VRTN: variants seen among roughly 807,000 people sequenced by gnomAD.
The protein encoded by VRTN is vertnin.
VRTN carries 5 observed loss-of-function variants against 18.2 expected under a neutral mutation model. That is an observed-to-expected ratio of 0.27 (90% CI 0.14 to 0.58). VRTN has a LOEUF of 0.58. Ranked by LOEUF, VRTN falls within the 20% of genes least tolerant of loss-of-function variation. The pLI is 0.91. For synonymous variants in VRTN, 381 were observed against 393.7 expected, an observed-to-expected ratio of 0.97 and a Z score of 0.38; for missense variants, 741 against 939.4, an observed-to-expected ratio of 0.79 and a Z score of 2.76.
intron 1 of VRTN, among the ~76,000 whole-genome samples, chr14:74,328,027 G>T (rs1406680220): frequency 6.6e-6 from 1 of 152,066 alleles, no homozygotes. Context: ...GGCCCTTGTG[G>T]GTGATCTTGT....
intron 1 of VRTN, among the ~76,000 whole-genome samples, chr14:74,314,400 T>TTG (rs1423338181): frequency 6.8e-6 from 1 of 147,108 alleles, no homozygotes; most frequent in Non-Finnish European, 1.5e-5. Context: ...TGTTCTTTTT[T>TTG]TTTTTTTTTT....
intron 1 of VRTN, among the ~76,000 whole-genome samples, chr14:74,349,165 C>A (rs1567044891): frequency 1.3e-5 from 2 of 152,194 alleles, no homozygotes; most frequent in Non-Finnish European, 2.9e-5. Flanking sequence ...CTCAGGCCCA[C>A]CCCTGTGACC....
At chr14:74,349,694 C>T (rs2140210813) in intron 1 of VRTN, among the ~76,000 whole-genome samples, 1 of 152,278 alleles carries the variant, frequency 6.6e-6, no homozygotes, top group East Asian at 1.9e-4. Context: ...ACGCAGGGGA[C>T]AAGAGGCCAG....
intron 1 of VRTN, among the ~76,000 whole-genome samples, chr14:74,311,511 C>T (rs1244572441): frequency 1.3e-5 from 2 of 151,034 alleles, no homozygotes; most frequent in East Asian, 3.9e-4. Flanking sequence ...ACCTCTGCCT[C>T]CTGGGGTCAA....
chr14:74,355,170 A>C (rs1440426867), intron 1 of VRTN, among the ~76,000 whole-genome samples: 1 of 150,938 alleles, frequency 6.6e-6, no homozygotes, highest in Non-Finnish European at 1.5e-5. Context: ...AATTGTCACC[A>C]CTGATCTCAT....
At chr14:74,311,830 G>A (rs901674200) in intron 1 of VRTN, among the ~76,000 whole-genome samples, 5 of 151,292 alleles carry the variant, frequency 3.3e-5, no homozygotes, top group Non-Finnish European at 4.4e-5. Context: ...GCACAGTGGT[G>A]CGATCTTGGC....
At chr14:74,351,587 G>A (rs970008882) in intron 1 of VRTN, among the ~76,000 whole-genome samples, 21 of 146,576 alleles carry the variant, frequency 1.4e-4, no homozygotes, top group Non-Finnish European at 2.1e-4. Flanking sequence ...TGAGGCTCAG[G>A]TTATCCACCT....
intron 1 of VRTN, among the ~76,000 whole-genome samples, chr14:74,327,920 A>G (rs896104376): frequency 6.6e-5 from 10 of 152,002 alleles, no homozygotes; most frequent in South Asian, 4.2e-4. Context: ...AGGGTTTCAC[A>G]ATGTTGGCCG....
At chr14:74,320,528 C>T (rs1487396252) in intron 1 of VRTN, among the ~76,000 whole-genome samples, 2 of 129,244 alleles carry the variant, frequency 1.5e-5, no homozygotes, top group African/African-American at 5.9e-5. Flanking sequence ...TCCCAAAGTG[C>T]TGGAATTACA....
chr14:74,312,765 T>TAAAATGTTACCTATACAATAAA (rs2085396531), intron 1 of VRTN, among the ~76,000 whole-genome samples: 1 of 151,272 alleles, frequency 6.6e-6, no homozygotes, highest in African/African-American at 2.4e-5. Context: ...TTTTTTTTTT[T>TAAAATGTTACCTATACAATAAA]TTTTTTGAGG....
chr14:74,352,052 A>G (rs908408647), intron 1 of VRTN, among the ~76,000 whole-genome samples: 2 of 151,172 alleles, frequency 1.3e-5, no homozygotes, highest in Admixed American at 6.6e-5. Flanking sequence ...GGGTTTCACC[A>G]TGTTGTCCAG....
At position 74,356,984 on chromosome 14, in the gene VRTN, A is replaced by G; in HGVS notation, c.201A>G (p.Pro67=). 6.2e-7 allele frequency: 1 copy of G among 1,612,400 alleles called. No homozygotes were observed. The highest frequency in any genetic ancestry group is 8.5e-7 in the Non-Finnish European group (1 of 1,179,362). ...EVDSVALSLY[P]EDAPRNMLPL... is the part of the protein sequence containing the mutation. ...ACTCGGTGGCCCTGAGCCTGTATCC[A>G]GAAGATGCTCCACGGAACATGCTGC... Residue 67 remains proline, a synonymous_variant, in exon 2 of 2, where the codon CCA becomes CCG. Transcript: ENST00000256362.
intron 1 of VRTN, among the ~76,000 whole-genome samples, chr14:74,310,875 G>T (rs1037510303): frequency 1.3e-5 from 2 of 151,518 alleles, no homozygotes; most frequent in African/African-American, 2.4e-5. Flanking sequence ...ATTTGGGGGG[G>T]TAAAGACAGG....
Position 74,331,544 on chromosome 14 carries a change from TTATATATATA to T in VRTN, c.-163-6142_-163-6133del, listed in dbSNP as rs1169929236. Among the ~76,000 whole-genome samples the T allele has an allele frequency of 7.7e-3, 334 of 43,462 alleles. 1 individual carries two copies. The highest frequency in any genetic ancestry group is 0.011 in the African/African-American group (164 of 15,358). The allele number at this position is 43,462 out of a possible 152,430, so 28.5% of individuals were successfully genotyped here. A position where few individuals can be genotyped will look rare whatever the true frequency, so the allele number is the denominator to read the frequency against. ...AACTCCATCTCAAAAAAAAAAAATT[TTATATATATA>T]TATATATATATATATATATATATAT... is the stretch of plus-strand genomic sequence containing the variant. On this transcript the variant is annotated intron_variant, in intron 1 of 2. Coordinates refer to the VRTN transcript ENST00000557177.
chr14:74,341,063 A>G (rs1290964892), intron 2 of VRTN, among the ~76,000 whole-genome samples: 1 of 152,218 alleles, frequency 6.6e-6, no homozygotes, highest in Admixed American at 6.5e-5. Context: ...TTATTTAACA[A>G]GTCATTGAGT....
intron 1 of VRTN, among the ~76,000 whole-genome samples, chr14:74,314,244 G>A (rs999421161): frequency 1.3e-5 from 2 of 151,818 alleles, no homozygotes; most frequent in African/African-American, 2.4e-5. Flanking sequence ...CTATCTTCCC[G>A]CCTCAGCCTT....
chr14:74,319,881 G>A (rs2085442008), intron 1 of VRTN, among the ~76,000 whole-genome samples: 1 of 152,206 alleles, frequency 6.6e-6, no homozygotes, highest in African/African-American at 2.4e-5. Flanking sequence ...AGGAGATGGA[G>A]AAGGAGCAGC....
chr14:74,322,136 G>T (rs1423277943), intron 1 of VRTN, among the ~76,000 whole-genome samples: 1 of 150,712 alleles, frequency 6.6e-6, no homozygotes, highest in East Asian at 1.9e-4. Context: ...GTGAGCCACC[G>T]TGCCCGGCTC....
intron 2 of VRTN, among the ~76,000 whole-genome samples, chr14:74,339,669 T>A (rs565636120): frequency 6.6e-6 from 1 of 151,862 alleles, no homozygotes; most frequent in African/African-American, 2.4e-5. Flanking sequence ...AAAAATTTCA[T>A]TGGGCATGGT....
Sources: gnomAD v4.1 joint callset for allele counts (sites outside exome capture counted in the v4.1 genomes callset) on GRCh38, gnomAD v4.1.1 for gene constraint, MANE v1.5 for transcripts, NCBI Gene and HGNC (gene_info 2026-07-23, HGNC 2026-07-21) for gene names.